Variants in ARHGAP24 observed in about 807,000 individuals in gnomAD.
The protein encoded by ARHGAP24 is rho GTPase-activating protein 24.
In ARHGAP24, 50 loss-of-function variants were observed where a neutral mutation model predicts 76.4. That is an observed-to-expected ratio of 0.65 (90% CI 0.52 to 0.83). The LOEUF is 0.83. Ranked by LOEUF, ARHGAP24 falls within the 40% of genes least tolerant of loss-of-function variation. The pLI is 0.00. For synonymous variants in ARHGAP24, 345 were observed against 323.3 expected, an observed-to-expected ratio of 1.07 and a Z score of -0.72; for missense variants, 930 against 914.2, an observed-to-expected ratio of 1.02 and a Z score of -0.22.
At chr4:85,520,514 C>T (rs1302234709) in intron 1 of ARHGAP24, among the ~76,000 whole-genome samples, 1 of 152,128 alleles carries the variant, frequency 6.6e-6, no homozygotes, top group African/African-American at 2.4e-5. Context: ...TAACTCAGTG[C>T]ATATTCAATC....
intron 2 of ARHGAP24, among the ~76,000 whole-genome samples, chr4:85,662,780 C>G (rs141772381): frequency 0.019 from 2,850 of 152,218 alleles, 87 homozygotes; most frequent in African/African-American, 0.063. Context: ...AGGGAATCCT[C>G]TCCCCATTGC....
intron 3 of ARHGAP24, among the ~76,000 whole-genome samples, chr4:85,804,233 T>G (rs1325503641): frequency 6.6e-6 from 1 of 152,186 alleles, no homozygotes; most frequent in East Asian, 1.9e-4. Flanking sequence ...AACATTGTGA[T>G]AAAAAAGCTT....
At chr4:85,878,890 G>A (rs570762825) in intron 3 of ARHGAP24, among the ~76,000 whole-genome samples, 1 of 152,242 alleles carries the variant, frequency 6.6e-6, no homozygotes, top group Non-Finnish European at 1.5e-5. Context: ...GCCAAGCTTT[G>A]TGATTTAAGA....
At chr4:85,704,056 T>C (rs370304215) in intron 2 of ARHGAP24, among the ~76,000 whole-genome samples, 1 of 152,334 alleles carries the variant, frequency 6.6e-6, no homozygotes, top group South Asian at 2.1e-4. Flanking sequence ...TCATCTTTCA[T>C]TGAACGTAAT....
At chr4:85,735,163 G>C (rs998293200) in intron 3 of ARHGAP24, among the ~76,000 whole-genome samples, 4 of 152,198 alleles carry the variant, frequency 2.6e-5, no homozygotes, top group Admixed American at 2.6e-4. Flanking sequence ...TTACAGGTGT[G>C]AGTACATTAA....
At chr4:85,971,901 T>A in intron 5 of ARHGAP24, 135 bp from the exon 6 acceptor site, 1 of 1,222,824 alleles carries the variant, frequency 8.2e-7, no homozygotes, top group Non-Finnish European at 1.2e-6. Flanking sequence ...CATAAATGAG[T>A]GCTCTCTGAA....
At chr4:85,514,821 A>T (rs1185369945) in intron 1 of ARHGAP24, among the ~76,000 whole-genome samples, 26 of 118,286 alleles carry the variant, frequency 2.2e-4, no homozygotes, top group Non-Finnish European at 4.0e-4. Flanking sequence ...AAATTGTAAA[A>T]AAAAAAAAAA....
At chr4:85,888,365 A>G (rs1470800117) in intron 3 of ARHGAP24, among the ~76,000 whole-genome samples, 2 of 147,208 alleles carry the variant, frequency 1.4e-5, no homozygotes. Context: ...ACACCACTGC[A>G]CTCCAGCCTG....
rs181345557 is a variant in ARHGAP24 at position 85,994,588 on chromosome 4, G to A, written c.934G>A (p.Val312Met). 7.4e-6 allele frequency: 12 copies of A among 1,614,158 alleles called. No homozygotes were observed. Among genetic ancestry groups the A allele is most frequent in the Admixed American group, 3.3e-5 (2 of 60,018 alleles). Reference sequence around the variant, plus strand: ...TATGTTCTATGCAATTCTAGGCACTGTGGTGGTCCAGCAGTTGATGTCAGT... The same window carrying A: ...TATGTTCTATGCAATTCTAGGCACTATGGTGGTCCAGCAGTTGATGTCAGT... The part of the protein sequence containing the change: ...EDPLTIMEGT[V>M]VVQQLMSVMI... Residue 312 changes from valine (V) to methionine (M), a missense_variant, in exon 9 of 10, where the codon GTG (valine) becomes ATG (methionine). Val to Met is a conservative substitution (Grantham distance 21). Transcript: ENST00000395184.
intron 1 of ARHGAP24, among the ~76,000 whole-genome samples, chr4:85,495,432 G>A (rs1421638390): frequency 7.4e-6 from 1 of 134,762 alleles, no homozygotes; most frequent in Non-Finnish European, 1.5e-5. Context: ...CTCACTGCAA[G>A]CCTTGCCTCC....
chr4:85,688,444 G>T (rs1326525113), intron 2 of ARHGAP24, among the ~76,000 whole-genome samples: 1 of 151,728 alleles, frequency 6.6e-6, no homozygotes, highest in Admixed American at 6.6e-5. Context: ...TTGTTATTTT[G>T]TTTAAGTTCC....
chr4:85,739,389 A>C lies in ARHGAP24; in HGVS notation c.268+17417A>C, dbSNP rs60808482. Among the ~76,000 whole-genome samples the C allele has an allele frequency of 1.0e-2, 1,517 of 152,260 alleles. 26 individuals carry two copies. The highest frequency in any genetic ancestry group is 0.034 in the African/African-American group (1,414 of 41,538). On this transcript the variant is annotated intron_variant, in intron 3 of 9. Transcript: ENST00000395184. Reference sequence around the variant, plus strand: ...ATCCAATCATCAACCAGTGGTGCTGATTCTGCTTCCAAAATATATCTCTGC... The same window carrying C: ...ATCCAATCATCAACCAGTGGTGCTGCTTCTGCTTCCAAAATATATCTCTGC...
chr4:85,747,708 A>AAAACAAAC (rs10653867), intron 3 of ARHGAP24, among the ~76,000 whole-genome samples: 11,683 of 150,714 alleles, frequency 0.078, 497 homozygotes, highest in African/African-American at 0.11. Flanking sequence ...GTCTAAAACA[A>AAAACAAAC]AAACAAACAA....
chr4:85,904,173 C>T (rs1242985189), intron 3 of ARHGAP24, among the ~76,000 whole-genome samples: 1 of 152,068 alleles, frequency 6.6e-6, no homozygotes, highest in Non-Finnish European at 1.5e-5. Context: ...TTAATTGGCT[C>T]ATGGTCCTGC....
intron 5 of ARHGAP24, among the ~76,000 whole-genome samples, chr4:85,950,492 C>A: frequency 6.6e-6 from 1 of 151,622 alleles, no homozygotes; most frequent in Admixed American, 6.6e-5. Context: ...CAGAGCAAGA[C>A]CTTTCTCTAA....
intron 1 of ARHGAP24, among the ~76,000 whole-genome samples, chr4:85,476,244 T>A (rs947502078): frequency 6.6e-6 from 1 of 152,004 alleles, no homozygotes; most frequent in Non-Finnish European, 1.5e-5. Context: ...AAGACTACAT[T>A]TATTTTATAC....
At chr4:85,518,447 G>C (rs1578198051) in intron 1 of ARHGAP24, among the ~76,000 whole-genome samples, 1 of 152,198 alleles carries the variant, frequency 6.6e-6, no homozygotes, top group East Asian at 1.9e-4. Flanking sequence ...TGATTTGTGA[G>C]ATTTTGGTGC....
At chr4:85,890,086 A>C (rs1238050095) in intron 3 of ARHGAP24, among the ~76,000 whole-genome samples, 1 of 152,158 alleles carries the variant, frequency 6.6e-6, no homozygotes, top group East Asian at 1.9e-4. Context: ...TGTTTTGAAA[A>C]GTCAACCTGA....
intron 3 of ARHGAP24, among the ~76,000 whole-genome samples, chr4:85,742,087 C>A (rs910776193): frequency 3.3e-5 from 5 of 152,140 alleles, no homozygotes; most frequent in Admixed American, 1.3e-4. Context: ...AACATTCACC[C>A]AGGCCAATTG....
Sources: gnomAD v4.1 joint callset for allele counts (sites outside exome capture counted in the v4.1 genomes callset) on GRCh38, gnomAD v4.1.1 for gene constraint, MANE v1.5 for transcripts, NCBI Gene and HGNC (gene_info 2026-07-23, HGNC 2026-07-21) for gene names.